The following RTF2 variants were observed in gnomAD, a reference collection of about 807,000 sequenced individuals.
RTF2 encodes the protein replication termination factor 2, also known as UPF0549 protein C20orf43.
Under a neutral mutation model 38.0 loss-of-function variants are expected in RTF2, and 18 were observed. That is an observed-to-expected ratio of 0.47 (90% CI 0.33 to 0.70). The LOEUF is 0.70. RTF2 is among the 30% of genes least tolerant of loss of function. RTF2 has a pLI of 0.02. For synonymous variants in RTF2, 126 were observed against 137.1 expected, an observed-to-expected ratio of 0.92 and a Z score of 0.57; for missense variants, 311 against 379.6, an observed-to-expected ratio of 0.82 and a Z score of 1.50.
At chr20:56,471,874 CT>C (rs1428948408) in intron 1 of RTF2, among the ~76,000 whole-genome samples, 2 of 152,170 alleles carry the variant, frequency 1.3e-5, no homozygotes, top group Non-Finnish European at 2.9e-5. Flanking sequence ...GTTATGGAAA[CT>C]GCTTAGCACA....
chr20:56,495,877 A>G (rs6123599), intron 5 of RTF2, among the ~76,000 whole-genome samples: 6,959 of 152,204 alleles, frequency 0.046, 465 homozygotes, highest in East Asian at 0.3. Context: ...ATTTCCCTCT[A>G]CCTCTCAGAG....
intron 1 of RTF2, chr20:56,472,369 G>A (rs868036627): frequency 6.5e-7 from 1 of 1,548,406 alleles, no homozygotes; most frequent in East Asian, 2.4e-5. Flanking sequence ...AGTCTACACA[G>A]TGAAGGAAAA....
chr20:56,505,566 G>A (rs1025867024), intron 5 of RTF2, among the ~76,000 whole-genome samples: 1 of 151,556 alleles, frequency 6.6e-6, no homozygotes, highest in Admixed American at 6.6e-5. Flanking sequence ...GCTCACACTG[G>A]CCCATTCCTG....
intron 5 of RTF2, among the ~76,000 whole-genome samples, chr20:56,510,229 A>T (rs1984556097): frequency 6.6e-6 from 1 of 152,242 alleles, no homozygotes; most frequent in Non-Finnish European, 1.5e-5. Flanking sequence ...TCATTATGTT[A>T]TGTAAATGAG....
intron 8 of RTF2, 29 bp from the exon 9 acceptor site, chr20:56,518,058 C>T (rs1261512026): frequency 1.3e-6 from 2 of 1,590,968 alleles, no homozygotes; most frequent in Non-Finnish European, 8.5e-7. Flanking sequence ...TATCCCAACC[C>T]TGACAGTTTT....
chr20:56,505,487 C>CATAATAATAATAATAATAATA lies in RTF2; in HGVS notation c.478-7818_478-7798dup, dbSNP rs60767194. Among the ~76,000 whole-genome samples, 253 of 139,648 alleles carry CATAATAATAATAATAATAATA rather than the reference C, an allele frequency of 1.8e-3. 3 individuals are homozygous for CATAATAATAATAATAATAATA. Among genetic ancestry groups the CATAATAATAATAATAATAATA allele is most frequent in the African/African-American group, 4.0e-3 (150 of 37,318 alleles). The allele number at this position is 139,648 out of a possible 152,430, so 91.6% of individuals were successfully genotyped here. A position where few individuals can be genotyped will look rare whatever the true frequency, so the allele number is the denominator to read the frequency against. On this transcript the variant is annotated intron_variant, in intron 5 of 8. Coordinates refer to ENST00000357348, the MANE Select transcript of RTF2 (RefSeq NM_016407.5). The stretch of plus-strand genomic sequence containing the variant: ...TGGGCAACAGAGTGAGATGCCATCT[C>CATAATAATAATAATAATAATA]ATAATAATAATAATAATAATAATAA...
In RTF2 at chr20:56,513,378, G is replaced by C. The variant is rs758627888; in HGVS notation, c.541G>C (p.Val181Leu). 6.2e-7 allele frequency: 1 copy of C among 1,608,940 alleles called. No homozygotes were observed. Among genetic ancestry groups the C allele is most frequent in the East Asian group, 2.2e-5 (1 of 44,756 alleles). ...CAATGGCACCAAGGAGGATGTGGAC[G>C]TGCTGAAGACAAGGATGGAGGAGAG... ...MLNGTKEDVD[V>L]LKTRMEERRL... The change falls in exon 6 of 9, where the codon GTG becomes CTG. Residue 181 changes from valine (V) to leucine (L), a missense_variant. Transcript: ENST00000357348.
chr20:56,479,314 C>T (rs545161860), intron 4 of RTF2, among the ~76,000 whole-genome samples: 2 of 151,286 alleles, frequency 1.3e-5, no homozygotes, highest in Admixed American at 6.6e-5. Flanking sequence ...CAACCCCCAC[C>T]TCCTGGGTTC....
intron 6 of RTF2, chr20:56,514,334 C>T (rs1326436393): frequency 1.3e-5 from 2 of 150,322 alleles, no homozygotes; most frequent in African/African-American, 2.5e-5. Context: ...TCGTGAGTGG[C>T]AAATTTCTTA....
At chr20:56,475,470 G>T (rs748474487) in intron 3 of RTF2, among the ~76,000 whole-genome samples, 15 of 152,034 alleles carry the variant, frequency 9.9e-5, no homozygotes, top group Non-Finnish European at 2.1e-4. Flanking sequence ...AAATGCTTGG[G>T]GTTGATTATA....
chr20:56,509,577 G>T lies in RTF2; in HGVS notation c.478-3738G>T, dbSNP rs145180740. On this transcript the variant is annotated intron_variant, in intron 5 of 8. Transcript: ENST00000357348. ...GCAGTGAGCCGAGATCATGCCACTG[G>T]ACTGCAGCCTGGCGACAAAGCGAGA... 2.5e-3 allele frequency among the ~76,000 whole-genome samples: 365 copies of T among 147,120 alleles called. 2 individuals are homozygous for T. The highest frequency in any genetic ancestry group is 8.6e-3 in the African/African-American group (342 of 39,604).
At chr20:56,476,686 A>G (rs1982262558) in intron 3 of RTF2, among the ~76,000 whole-genome samples, 1 of 151,736 alleles carries the variant, frequency 6.6e-6, no homozygotes, top group African/African-American at 2.4e-5. Context: ...TTTAGTAGAG[A>G]CGGGGTTTCT....
intron 5 of RTF2, among the ~76,000 whole-genome samples, chr20:56,509,323 A>G (rs2034113713): frequency 6.6e-6 from 1 of 152,204 alleles, no homozygotes; most frequent in Non-Finnish European, 1.5e-5. Context: ...GGTTATAACT[A>G]AAAGGAAAAA....
intron 5 of RTF2, among the ~76,000 whole-genome samples, chr20:56,512,834 TC>T (rs1308289786): frequency 2.0e-5 from 3 of 151,948 alleles, no homozygotes; most frequent in Admixed American, 6.6e-5. Flanking sequence ...AGTGAATACT[TC>T]CCCCCGCAAC....
At chr20:56,476,658 C>G (rs535816405) in intron 3 of RTF2, among the ~76,000 whole-genome samples, 1 of 152,084 alleles carries the variant, frequency 6.6e-6, no homozygotes, top group Non-Finnish European at 1.5e-5. Flanking sequence ...TTCCACCACA[C>G]CCAGCTAATT....
chr20:56,480,553 G>A (rs1022638817), intron 4 of RTF2, among the ~76,000 whole-genome samples: 6 of 152,340 alleles, frequency 3.9e-5, no homozygotes, highest in African/African-American at 1.4e-4. Flanking sequence ...TCCACAGCCT[G>A]GCTAAGTGTT....
chr20:56,481,616 T>TATATACACACAC (rs1330356338), intron 4 of RTF2, among the ~76,000 whole-genome samples: 3 of 151,158 alleles, frequency 2.0e-5, no homozygotes, highest in African/African-American at 7.3e-5. Context: ...TTTGCATATA[T>TATATACACACAC]ATATACACAC....
At chr20:56,484,274 T>G (rs1461513465) in intron 5 of RTF2, 85 bp downstream of exon 5, 10 of 1,158,900 alleles carry the variant, frequency 8.6e-6, no homozygotes, top group Admixed American at 3.5e-5. Context: ...CATTTGTTCT[T>G]TCTGAAATCA....
At chr20:56,478,324 A>G (rs1423866156) in intron 4 of RTF2, among the ~76,000 whole-genome samples, 1 of 152,114 alleles carries the variant, frequency 6.6e-6, no homozygotes, top group Non-Finnish European at 1.5e-5. Flanking sequence ...CCCTGTCTTT[A>G]CGAAACAAAA....
Sources: allele counts gnomAD v4.1 joint callset (sites outside exome capture counted in the v4.1 genomes callset), GRCh38; gene constraint gnomAD v4.1.1; transcripts MANE v1.5; gene names NCBI Gene and HGNC (gene_info 2026-07-23, HGNC 2026-07-21).